FAM193A: variants seen among roughly 807,000 people sequenced by gnomAD.
The protein encoded by FAM193A is family with sequence similarity 193 member A.
In FAM193A, 22 loss-of-function variants were observed where a neutral mutation model predicts 126.5. That is an observed-to-expected ratio of 0.17 (90% CI 0.12 to 0.25). The LOEUF (loss-of-function observed/expected upper bound fraction) is 0.25, where lower values mean the gene tolerates loss of function less well. Among genes scored for constraint, FAM193A ranks in the 10% least tolerant of loss-of-function variants. The pLI is 1.00. For synonymous variants in FAM193A, 761 were observed against 646.8 expected (o/e 1.18, Z -2.68); for missense variants, 1,675 against 1,672.8 (o/e 1.00, Z -0.02).
chr4:2,697,669 T>G (rs148940316), intron 18 of FAM193A, among the ~76,000 whole-genome samples: 225 of 152,350 alleles, frequency 1.5e-3, no homozygotes, highest in Non-Finnish European at 2.6e-3. Context: ...TTAGCTGTTG[T>G]GATTGTTCTA....
intron 19 of FAM193A, among the ~76,000 whole-genome samples, chr4:2,700,857 G>A (rs567126202): frequency 1.2e-4 from 18 of 152,090 alleles, no homozygotes; most frequent in South Asian, 4.2e-4. Flanking sequence ...CTAGCTACTC[G>A]GGGAGGCTGA....
intron 2 of FAM193A, among the ~76,000 whole-genome samples, chr4:2,607,699 A>G (rs1026395280): frequency 4.6e-5 from 7 of 152,220 alleles, no homozygotes; most frequent in African/African-American, 1.7e-4. Context: ...CAGGTTGGCA[A>G]CTAGGCTTAT....
In FAM193A at chr4:2,536,751, C is replaced by T. The variant is rs1317893806; in HGVS notation, c.-165C>T. The T allele has an allele frequency of 6.5e-4, 98 of 149,738 alleles. 1 individual carries two copies. The highest frequency in any genetic ancestry group is 2.1e-4 in the Non-Finnish European group (14 of 66,940). 9.3% of individuals were successfully genotyped at this position (149,738 alleles called of 1,614,324 possible). The stretch of plus-strand genomic sequence containing the variant: ...TCCCGCCCAGCGGCCTGCCCCGCAG[C>T]TCCCGCCCGCCCCAGCCCTCCCCGA... On this transcript the variant is annotated 5_prime_UTR_variant, in exon 1 of 21. Transcript: ENST00000637812.
chr4:2,665,381 G>C (rs938630516), intron 12 of FAM193A, among the ~76,000 whole-genome samples: 2 of 152,128 alleles, frequency 1.3e-5, no homozygotes, highest in Non-Finnish European at 2.9e-5. Context: ...TGTTTTGGTA[G>C]ATTACTTTGG....
chr4:2,656,803 G>A (rs560131805), intron 7 of FAM193A, among the ~76,000 whole-genome samples: 1 of 152,330 alleles, frequency 6.6e-6, no homozygotes, highest in South Asian at 2.1e-4. Flanking sequence ...TGAGCCCCTT[G>A]TTTGTAACTC....
At position 2,731,770 on chromosome 4, in the gene FAM193A, T is replaced by C; in HGVS notation, c.4455-5T>C. ...CAGTGACTGTTTGGCTTTTTGTCTTTGCAGGTTCTGCTTGGATTCTGCTAG... is the reference window on the plus strand; with the variant it reads ...CAGTGACTGTTTGGCTTTTTGTCTTCGCAGGTTCTGCTTGGATTCTGCTAG... On this transcript the variant is annotated splice_region_variant and splice_polypyrimidine_tract_variant and intron_variant, in intron 20 of 20. Transcript: ENST00000637812. 1.2e-6 allele frequency: 2 copies of C among 1,611,578 alleles called. No individual in the cohort carries two copies. Among genetic ancestry groups the C allele is most frequent in the Non-Finnish European group, 1.7e-6 (2 of 1,177,888 alleles).
Position 2,693,880 on chromosome 4 carries a change from C to T in FAM193A, c.3092+6C>T. ...GCCCCTCCAAGTGTCTGCAGGTGAG[C>T]CAAGTCCTGACTGGGGACGTGGGAG... is the stretch of plus-strand genomic sequence containing the variant. On this transcript the variant is annotated splice_donor_region_variant and intron_variant, in intron 16 of 20. Coordinates refer to ENST00000637812, the MANE Select transcript of FAM193A (RefSeq NM_001366318.2). The T allele has an allele frequency of 6.2e-7, 1 of 1,609,994 alleles. No homozygotes were observed. Among genetic ancestry groups the T allele is most frequent in the East Asian group, 2.2e-5 (1 of 44,828 alleles).
At position 2,659,911 on chromosome 4, in the gene FAM193A, A is replaced by T. The variant is rs368956480; in HGVS notation, c.1602A>T (p.Gln534His). Residue 534 changes from glutamine to histidine, a missense_variant, in exon 10 of 21, where the codon CAA becomes CAT. Around this residue, in one of 4 missense-constraint regions of FAM193A, gnomAD observed 1,186 missense variants for 1,109.2 expected, o/e 1.07. Coordinates refer to ENST00000637812, the MANE Select transcript of FAM193A (RefSeq NM_001366318.2). ...TCCACATTCACCAGCTCCCACTTCA[A>T]GTGGATCCTGCTCCTGACTATCTTG... ...DDIHIHQLPLQVDPAPDYLAE... is the reference protein window; with the variant it reads ...DDIHIHQLPLHVDPAPDYLAE... The T allele has an allele frequency of 6.2e-7, 1 of 1,614,126 alleles. No homozygotes were observed. Among genetic ancestry groups the T allele is most frequent in the South Asian group, 1.1e-5 (1 of 91,082 alleles).
chr4:2,611,117 A>T (rs1457649497), intron 2 of FAM193A, among the ~76,000 whole-genome samples: 1 of 152,118 alleles, frequency 6.6e-6, no homozygotes, highest in Non-Finnish European at 1.5e-5. Flanking sequence ...CCTATAGGGT[A>T]AGTGCTTATA....
intron 2 of FAM193A, among the ~76,000 whole-genome samples, chr4:2,618,228 T>G (rs566484790): frequency 6.6e-6 from 1 of 152,148 alleles, no homozygotes; most frequent in Non-Finnish European, 1.5e-5. Flanking sequence ...TTGCTTTGTG[T>G]TTAGTGTGCT....
chr4:2,594,415 T>C (rs1577052200), intron 1 of FAM193A, among the ~76,000 whole-genome samples: 2 of 152,142 alleles, frequency 1.3e-5, no homozygotes, highest in South Asian at 2.1e-4. Flanking sequence ...AGCTTCTGGG[T>C]GGAGATGGAG....
intron 5 of FAM193A, among the ~76,000 whole-genome samples, chr4:2,635,818 G>A (rs540508824): frequency 1.1e-4 from 17 of 152,200 alleles, no homozygotes; most frequent in Admixed American, 2.6e-4. Context: ...GATTATGGGC[G>A]TGAGCCAGCG....
chr4:2,638,957 A>G (rs1292651139), intron 5 of FAM193A, among the ~76,000 whole-genome samples: 1 of 152,238 alleles, frequency 6.6e-6, no homozygotes. Flanking sequence ...TGTTGAAGTC[A>G]GGAACATTCA....
chr4:2,551,702 T>G (rs576756941), intron 1 of FAM193A, among the ~76,000 whole-genome samples: 2 of 152,212 alleles, frequency 1.3e-5, no homozygotes, highest in Non-Finnish European at 2.9e-5. Context: ...GGTTTCATCA[T>G]TTTTTAAACC....
intron 18 of FAM193A, 120 bp downstream of exon 18, chr4:2,696,713 C>G (rs2109295829): frequency 2.9e-6 from 2 of 696,236 alleles, no homozygotes; most frequent in African/African-American, 1.8e-5. Flanking sequence ...CGTGTGTTCA[C>G]TTGCCCACAA....
chr4:2,656,822 A>C (rs991672155), intron 7 of FAM193A, among the ~76,000 whole-genome samples: 2 of 152,218 alleles, frequency 1.3e-5, no homozygotes, highest in African/African-American at 4.8e-5. Flanking sequence ...TCTTCTTTAG[A>C]TGTTACAAAG....
intron 2 of FAM193A, among the ~76,000 whole-genome samples, chr4:2,596,760 T>C (rs959348338): frequency 2.2e-5 from 2 of 89,530 alleles, no homozygotes; most frequent in African/African-American, 1.1e-4. Flanking sequence ...ACAGCAGGCT[T>C]GGCTGGGAAG....
intron 2 of FAM193A, chr4:2,608,211 C>A: frequency 7.6e-7 from 1 of 1,308,254 alleles, no homozygotes; most frequent in South Asian, 1.3e-5. Flanking sequence ...TCGAGACGGT[C>A]GGTCTCGCCC....
intron 13 of FAM193A, among the ~76,000 whole-genome samples, chr4:2,685,893 C>G (rs1715682879): frequency 6.6e-6 from 1 of 152,202 alleles, no homozygotes; most frequent in African/African-American, 2.4e-5. Flanking sequence ...TTTTCCTTTT[C>G]TATGGATTAC....
Sources: gnomAD v4.1 joint callset for allele counts (sites outside exome capture counted in the v4.1 genomes callset) on GRCh38, gnomAD v4.1.1 for gene constraint, gnomAD v4.1.1 regional missense constraint, MANE v1.5 for transcripts, NCBI Gene and HGNC (gene_info 2026-07-23, HGNC 2026-07-21) for gene names.